Variants in RABGAP1L observed in about 807,000 individuals in gnomAD.
The protein encoded by RABGAP1L is rab GTPase-activating protein 1-like.
Under a neutral mutation model 137.7 loss-of-function variants are expected in RABGAP1L, and 63 were observed. The ratio of observed to expected loss-of-function variants is 0.46; its 90% confidence interval spans 0.37 to 0.56. The LOEUF (loss-of-function observed/expected upper bound fraction) is 0.56, where lower values mean the gene tolerates loss of function less well. Ranked by LOEUF, RABGAP1L falls within the 20% of genes least tolerant of loss-of-function variation. RABGAP1L has a pLI of 0.00. For synonymous variants in RABGAP1L, 431 were observed against 433.7 expected (o/e 0.99, Z 0.08); for missense variants, 1,095 against 1,244.0 (o/e 0.88, Z 1.80).
intron 19 of RABGAP1L, among the ~76,000 whole-genome samples, chr1:174,848,539 C>T (rs1460138973): frequency 5.4e-5 from 8 of 149,002 alleles, no homozygotes; most frequent in Non-Finnish European, 8.9e-5. Context: ...TTAGGCTGCT[C>T]GGGGGTCAGG....
chr1:174,313,813 T>C (rs1057498366), intron 11 of RABGAP1L, among the ~76,000 whole-genome samples: 1 of 152,224 alleles, frequency 6.6e-6, no homozygotes, highest in African/African-American at 2.4e-5. Flanking sequence ...ATGTATCACA[T>C]TGATAGATTT....
chr1:174,345,853 C>T (rs1362128589), intron 11 of RABGAP1L, among the ~76,000 whole-genome samples: 2 of 152,024 alleles, frequency 1.3e-5, no homozygotes, highest in African/African-American at 4.8e-5. Flanking sequence ...CAGTTTTCAC[C>T]CATTCACAGT....
chr1:174,853,183 G>T (rs143953393), intron 19 of RABGAP1L, among the ~76,000 whole-genome samples: 98 of 149,424 alleles, frequency 6.6e-4, no homozygotes, highest in African/African-American at 2.3e-3. Context: ...GTAATAATTT[G>T]CATAATATGA....
intron 18 of RABGAP1L, among the ~76,000 whole-genome samples, chr1:174,785,906 A>C (rs1343240985): frequency 6.6e-6 from 1 of 152,250 alleles, no homozygotes; most frequent in East Asian, 1.9e-4. Flanking sequence ...TCCCATGATC[A>C]GAGCATTATA....
intron 7 of RABGAP1L, among the ~76,000 whole-genome samples, chr1:174,269,133 C>T (rs1159119095): frequency 1.3e-5 from 2 of 152,040 alleles, no homozygotes; most frequent in East Asian, 1.9e-4. Context: ...TTAGTAGAGA[C>T]GGGGTTTCAT....
chr1:174,837,156 G>A (rs1485356154), intron 19 of RABGAP1L, among the ~76,000 whole-genome samples: 4 of 151,210 alleles, frequency 2.6e-5, no homozygotes, highest in East Asian at 1.9e-4. Context: ...GCACTGAGCC[G>A]AGATCGTGCC....
chr1:174,543,851 T>A (rs531374795), intron 13 of RABGAP1L, among the ~76,000 whole-genome samples: 1 of 152,348 alleles, frequency 6.6e-6, no homozygotes, highest in East Asian at 1.9e-4. Flanking sequence ...CCTTCACTTA[T>A]GAAGCTTAGT....
intron 13 of RABGAP1L, among the ~76,000 whole-genome samples, chr1:174,542,320 C>G (rs185563873): frequency 0.019 from 2,924 of 152,096 alleles, 40 homozygotes; most frequent in Non-Finnish European, 0.03. Context: ...GTTTAGTCTT[C>G]GGAGGGTGTA....
At chr1:174,798,161 C>T (rs1688414741) in intron 18 of RABGAP1L, among the ~76,000 whole-genome samples, 1 of 151,434 alleles carries the variant, frequency 6.6e-6, no homozygotes, top group African/African-American at 2.4e-5. Context: ...CTTTGGGAGG[C>T]CGAGGCAGGC....
chr1:174,394,005 C>G lies in RABGAP1L; in HGVS notation c.1570C>G (p.Leu524Val), dbSNP rs749985086. 1 of 1,612,768 alleles carries G rather than the reference C, an allele frequency of 6.2e-7. No individual in the cohort carries two copies. The highest frequency in any genetic ancestry group is 8.5e-7 in the Non-Finnish European group (1 of 1,179,438). Residue 524 changes from leucine (L) to valine (V), a missense_variant, in exon 13 of 26, where the codon CTT becomes GTT. Coordinates refer to ENST00000681986, the MANE Select transcript of RABGAP1L (RefSeq NM_001366446.1). Reference sequence around the variant, plus strand: ...TTCTTGTCTTCTCAGGCACAGTAACCTTGGTGCACGACCGAAAGGGCTGTC... The same window carrying G: ...TTCTTGTCTTCTCAGGCACAGTAACGTTGGTGCACGACCGAAAGGGCTGTC... ...GELLGKWHSNLGARPKGLSTL... is the reference protein window; with the variant it reads ...GELLGKWHSNVGARPKGLSTL...
At chr1:174,943,861 T>C (rs906957078) in intron 19 of RABGAP1L, among the ~76,000 whole-genome samples, 8 of 152,156 alleles carry the variant, frequency 5.3e-5, no homozygotes, top group Admixed American at 5.2e-4. Flanking sequence ...CCCACCAGAC[T>C]GTAAACTCCT....
intron 11 of RABGAP1L, among the ~76,000 whole-genome samples, chr1:174,360,175 A>G (rs1684008388): frequency 6.6e-6 from 1 of 152,206 alleles, no homozygotes; most frequent in Admixed American, 6.5e-5. Flanking sequence ...GTGAGATTTT[A>G]TGGCACATCG....
chr1:174,209,096 A>G (rs1668693439), intron 1 of RABGAP1L, among the ~76,000 whole-genome samples: 2 of 152,184 alleles, frequency 1.3e-5, no homozygotes, highest in African/African-American at 4.8e-5. Context: ...TCACATGTGC[A>G]GTACACAGTA....
chr1:174,618,502 A>G (rs1401369871), intron 13 of RABGAP1L, among the ~76,000 whole-genome samples: 4 of 152,232 alleles, frequency 2.6e-5, no homozygotes, highest in Non-Finnish European at 5.9e-5. Flanking sequence ...GCTGTTCTGC[A>G]GCCACCACTG....
At chr1:174,316,078 T>C (rs1039796134) in intron 11 of RABGAP1L, among the ~76,000 whole-genome samples, 2 of 152,234 alleles carry the variant, frequency 1.3e-5, no homozygotes, top group African/African-American at 4.8e-5. Flanking sequence ...GCGTTTCTGC[T>C]TAATCTGAAA....
intron 13 of RABGAP1L, among the ~76,000 whole-genome samples, chr1:174,605,580 A>C (rs1670728791): frequency 6.6e-6 from 1 of 152,110 alleles, no homozygotes. Flanking sequence ...TCAAAATTTA[A>C]TTGAAATCTC....
chr1:174,313,491 C>T (rs1462873897), intron 11 of RABGAP1L, among the ~76,000 whole-genome samples: 1 of 152,136 alleles, frequency 6.6e-6, no homozygotes, highest in East Asian at 1.9e-4. Context: ...CTAGGACTTG[C>T]AGTACTGTGT....
chr1:174,794,668 T>G (rs1048258151), intron 18 of RABGAP1L, among the ~76,000 whole-genome samples: 3 of 152,214 alleles, frequency 2.0e-5, no homozygotes, highest in Non-Finnish European at 4.4e-5. Flanking sequence ...CTTGGATTTT[T>G]GTCTAGGCCC....
intron 13 of RABGAP1L, among the ~76,000 whole-genome samples, chr1:174,426,803 T>C (rs1050798920): frequency 7.2e-5 from 11 of 152,174 alleles, no homozygotes; most frequent in Admixed American, 6.5e-5. Context: ...GAAAAAATTA[T>C]ATTTATTCTA....
Sources: gnomAD v4.1 joint callset for allele counts (sites outside exome capture counted in the v4.1 genomes callset) on GRCh38, gnomAD v4.1.1 for gene constraint, MANE v1.5 for transcripts, NCBI Gene and HGNC (gene_info 2026-07-23, HGNC 2026-07-21) for gene names.